Variants in RBMS3 observed in about 807,000 individuals in gnomAD.
RBMS3 encodes RNA-binding motif, single-stranded-interacting protein 3.
RBMS3 carries 27 observed loss-of-function variants against 66.8 expected under a neutral mutation model. The observed-to-expected ratio is 0.40, with a 90% CI of 0.30 to 0.56. The LOEUF (loss-of-function observed/expected upper bound fraction) is 0.56, where lower values mean the gene tolerates loss of function less well. Ranked by LOEUF, RBMS3 falls within the 20% of genes least tolerant of loss-of-function variation. The pLI is 0.40. For missense variants in RBMS3, 513 were observed against 549.5 expected, an observed-to-expected ratio of 0.93 and a Z score of 0.66; for synonymous variants, 188 against 183.0, an observed-to-expected ratio of 1.03 and a Z score of -0.22.
At chr3:29,328,720 G>A (rs996631308) in intron 1 of RBMS3, among the ~76,000 whole-genome samples, 4 of 152,038 alleles carry the variant, frequency 2.6e-5, no homozygotes, top group African/African-American at 9.7e-5. Flanking sequence ...CCTCCATTGG[G>A]TTAGATCTCT....
intron 10 of RBMS3, among the ~76,000 whole-genome samples, chr3:29,911,827 G>A (rs1034029015): frequency 2.6e-5 from 4 of 151,950 alleles, no homozygotes; most frequent in African/African-American, 9.7e-5. Context: ...ATTACTTTGG[G>A]AGGCCTTTTC....
intron 4 of RBMS3, among the ~76,000 whole-genome samples, chr3:29,668,371 C>A (rs533755389): frequency 6.6e-6 from 1 of 152,358 alleles, no homozygotes; most frequent in East Asian, 1.9e-4. Flanking sequence ...ACTTTGAGAG[C>A]TGCCAAATAC....
At chr3:29,575,494 C>A (rs909088520) in intron 3 of RBMS3, among the ~76,000 whole-genome samples, 5 of 152,118 alleles carry the variant, frequency 3.3e-5, no homozygotes, top group South Asian at 2.1e-4. Flanking sequence ...TTGGGTTAAA[C>A]CTGCTTGGTG....
At chr3:29,326,984 C>T (rs2035378081) in intron 1 of RBMS3, among the ~76,000 whole-genome samples, 1 of 152,100 alleles carries the variant, frequency 6.6e-6, no homozygotes, top group African/African-American at 2.4e-5. Flanking sequence ...CCCGCACTGG[C>T]CTCCCAAAGT....
At chr3:29,293,434 A>G (rs1230387382) in intron 1 of RBMS3, among the ~76,000 whole-genome samples, 1 of 151,824 alleles carries the variant, frequency 6.6e-6, no homozygotes. Context: ...GGAGCAGGTC[A>G]GTTGAGGGTA....
chr3:29,676,543 C>T (rs1208196703), intron 4 of RBMS3, among the ~76,000 whole-genome samples: 1 of 152,190 alleles, frequency 6.6e-6, no homozygotes, highest in Non-Finnish European at 1.5e-5. Flanking sequence ...ATAAGATTTA[C>T]ATTTTATTAA....
intron 10 of RBMS3, among the ~76,000 whole-genome samples, chr3:29,924,075 C>G (rs1032163256): frequency 4.6e-5 from 7 of 152,292 alleles, no homozygotes; most frequent in East Asian, 1.9e-4. Context: ...GCCGAATATT[C>G]TTGCACAATA....
chr3:29,696,970 C>G, intron 4 of RBMS3: 1 of 982,742 alleles, frequency 1.0e-6, no homozygotes. Flanking sequence ...TTGTAGGTAC[C>G]CCTAGTAGTT....
intron 2 of RBMS3, among the ~76,000 whole-genome samples, chr3:29,445,393 C>G (rs78189708): frequency 3.5e-4 from 51 of 147,484 alleles, no homozygotes; most frequent in South Asian, 1.4e-3. Flanking sequence ...TGCTTACTCA[C>G]TCAATATTGC....
chr3:29,865,215 G>C (rs999726558), intron 6 of RBMS3, among the ~76,000 whole-genome samples: 1 of 152,046 alleles, frequency 6.6e-6, no homozygotes, highest in African/African-American at 2.4e-5. Context: ...ACAATTAAGT[G>C]CCCCCAAAGT....
intron 4 of RBMS3, among the ~76,000 whole-genome samples, chr3:29,601,826 C>T (rs2048155143): frequency 6.6e-6 from 1 of 151,840 alleles, no homozygotes; most frequent in South Asian, 2.1e-4. Flanking sequence ...TAATTTATGC[C>T]TTGAAGTCAC....
intron 1 of RBMS3, among the ~76,000 whole-genome samples, chr3:29,328,413 C>T (rs1374334371): frequency 6.6e-6 from 1 of 152,114 alleles, no homozygotes; most frequent in Non-Finnish European, 1.5e-5. Flanking sequence ...ACAAAAAGGA[C>T]ATTGGTATTA....
intron 4 of RBMS3, among the ~76,000 whole-genome samples, chr3:29,690,310 C>T (rs1297083208): frequency 4.6e-5 from 7 of 151,830 alleles, no homozygotes; most frequent in Admixed American, 3.3e-4. Flanking sequence ...ATTAGCTGGA[C>T]GTGGTGGCAT....
intron 6 of RBMS3, among the ~76,000 whole-genome samples, chr3:29,855,055 A>G (rs1283701650): frequency 6.6e-6 from 1 of 152,208 alleles, no homozygotes. Context: ...CATGGTTCAT[A>G]AAAGTTATTC....
chr3:29,311,792 G>A (rs796852711), intron 1 of RBMS3, among the ~76,000 whole-genome samples: 34 of 151,808 alleles, frequency 2.2e-4, no homozygotes, highest in African/African-American at 7.9e-4. Context: ...TGACCTAGGG[G>A]TGAAGGAATA....
chr3:29,802,840 A>G (rs1165288322), intron 6 of RBMS3, among the ~76,000 whole-genome samples: 4 of 152,180 alleles, frequency 2.6e-5, no homozygotes, highest in Non-Finnish European at 5.9e-5. Flanking sequence ...TAACATTTAT[A>G]AAATGGGAGT....
At chr3:29,947,377 T>C (rs527309406) in intron 12 of RBMS3, among the ~76,000 whole-genome samples, 104 of 151,760 alleles carry the variant, frequency 6.9e-4, no homozygotes, top group Non-Finnish European at 1.2e-3. Flanking sequence ...ATATTTTACT[T>C]AGGAAGAGTC....
At chr3:29,438,311 T>A (rs1288810970) in intron 2 of RBMS3, among the ~76,000 whole-genome samples, 1 of 152,132 alleles carries the variant, frequency 6.6e-6, no homozygotes, top group Non-Finnish European at 1.5e-5. Context: ...ATATCCATTG[T>A]AATAAAATAA....
intron 1 of RBMS3, among the ~76,000 whole-genome samples, chr3:29,329,835 C>T (rs906187654): frequency 6.8e-6 from 1 of 147,222 alleles, no homozygotes; most frequent in South Asian, 2.1e-4. Context: ...TTTTATAAAT[C>T]ATGTGAAAAA....
Sources: allele counts gnomAD v4.1 joint callset (sites outside exome capture counted in the v4.1 genomes callset), GRCh38; gene constraint gnomAD v4.1.1; transcripts MANE v1.5; gene names NCBI Gene and HGNC (gene_info 2026-07-23, HGNC 2026-07-21).